Variants in TAFA3 observed in about 807,000 individuals in gnomAD.
TAFA3 encodes the protein TAFA chemokine like family member 3.
A neutral mutation model predicts 20.7 loss-of-function variants in TAFA3; 17 were observed. The ratio of observed to expected loss-of-function variants is 0.82; its 90% CI spans 0.56 to 1.23. The LOEUF (loss-of-function observed/expected upper bound fraction) is 1.23. Among genes scored for constraint, TAFA3 ranks in the 50% most tolerant of loss-of-function variants. The probability of loss-of-function intolerance (pLI) is 0.00; values close to 1 mark genes in which losing one functional copy is unlikely to be tolerated. For missense variants in TAFA3, 174 were observed against 172.8 expected (o/e 1.01, Z -0.04); for synonymous variants, 74 against 71.8 (o/e 1.03, Z -0.16).
Position 112,719,222 on chromosome 1 carries a change from G to A in TAFA3, c.-137G>A, listed in dbSNP as rs976913100. Among the ~76,000 whole-genome samples, 2 of 152,214 alleles carry A rather than the reference G, an allele frequency of 1.3e-5. No homozygotes were observed. Among genetic ancestry groups the A allele is most frequent in the African/African-American group, 4.8e-5 (2 of 41,454 alleles). On this transcript the variant is annotated 5_prime_UTR_variant, in exon 1 of 6. Coordinates refer to ENST00000361886, the MANE Select transcript of TAFA3 (RefSeq NM_182759.3). ...CGCTCCCTCCCAAAGTCTGTCTTTCGGAGTGCTGGTCCCTGGCTCAGTGGC... is the reference window on the plus strand; with the variant it reads ...CGCTCCCTCCCAAAGTCTGTCTTTCAGAGTGCTGGTCCCTGGCTCAGTGGC...
At chr1:112,723,288 A>G in intron 4 of TAFA3, 123 bp downstream of exon 4, 1 of 1,326,250 alleles carries the variant, frequency 7.5e-7, no homozygotes, top group South Asian at 1.5e-5. Flanking sequence ...GAGCAGTCTC[A>G]AATGGTGGGG....
At chr1:112,722,934 A>AGGGG in intron 3 of TAFA3, 82 bp from the exon 4 acceptor site, 1 of 1,455,106 alleles carries the variant, frequency 6.9e-7, no homozygotes, top group South Asian at 1.4e-5. Flanking sequence ...AGCAGGGAGG[A>AGGGG]GGGGCTGGAG....
Position 112,719,150 on chromosome 1 carries a change from C to G in TAFA3, c.-209C>G, listed in dbSNP as rs1675271497. ...CCCCGCTGTCCCGGGGGCGCAGCAACTTGGTGAAGGGGACAGGGCTCCGGA... is the reference window on the plus strand; with the variant it reads ...CCCCGCTGTCCCGGGGGCGCAGCAAGTTGGTGAAGGGGACAGGGCTCCGGA... On this transcript the variant is annotated 5_prime_UTR_variant, in exon 1 of 6. Transcript: ENST00000361886. 6.6e-6 allele frequency among the ~76,000 whole-genome samples: 1 copy of G among 152,248 alleles called. No homozygotes were observed. The highest frequency in any genetic ancestry group is 6.5e-5 in the Admixed American group (1 of 15,290).
rs1445043929 is a variant in TAFA3 at position 112,723,094 on chromosome 1, A to T, written c.194A>T (p.Gln65Leu). ...CGGAACCGCATCGAGGAGCGCTCCC[A>T]GACGGTGAAATGCTCCTGTTTTTCT... ...CNRNRIEERS[Q>L]TVKCSCFSGQ... Residue 65 changes from glutamine to leucine, a missense_variant, in exon 4 of 6, where the codon CAG (glutamine) becomes CTG (leucine). Physicochemically the swap from Gln to Leu is moderately radical, Grantham distance 113. Coordinates refer to ENST00000361886, the MANE Select transcript of TAFA3 (RefSeq NM_182759.3). 6.2e-7 allele frequency: 1 copy of T among 1,613,202 alleles called. No individual in the cohort carries two copies. The highest frequency in any genetic ancestry group is 2.2e-5 in the East Asian group (1 of 44,850).
chr1:112,720,050 G>A (rs1402283094), intron 1 of TAFA3, among the ~76,000 whole-genome samples: 1 of 152,180 alleles, frequency 6.6e-6, no homozygotes, highest in Non-Finnish European at 1.5e-5. Context: ...CAGGGACCTG[G>A]AGTGTCCCCA....
intron 5 of TAFA3, among the ~76,000 whole-genome samples, chr1:112,724,639 T>C (rs1457567131): frequency 8.1e-5 from 1 of 12,378 alleles, no homozygotes. Context: ...TGTGGTGGGG[T>C]GGGGGGAGGG....
At chr1:112,725,531 C>G (rs1344253848) in intron 5 of TAFA3, among the ~76,000 whole-genome samples, 1 of 151,388 alleles carries the variant, frequency 6.6e-6, no homozygotes, top group African/African-American at 2.4e-5. Flanking sequence ...CATCCCCCAC[C>G]CCCACCCCAT....
At chr1:112,722,372 G>C (rs200346102) in intron 3 of TAFA3, 24 bp downstream of exon 3, 2 of 1,599,342 alleles carry the variant, frequency 1.3e-6, no homozygotes, top group South Asian at 1.1e-5. Context: ...GGCAGGGCCC[G>C]GGGAGGGAGT....
rs901851802 is a variant in TAFA3, at chr1:112,727,144, T to A, written c.*504T>A. The stretch of plus-strand genomic sequence containing the variant: ...GTTAACATGTTGCAGGAAAACACTC[T>A]CCCCTTATGCCAGACCAGCAGTATC... On this transcript the variant is annotated 3_prime_UTR_variant, in exon 6 of 6. Transcript: ENST00000361886. The A allele has an allele frequency of 6.1e-6, 1 of 163,132 alleles. No individual in the cohort carries two copies. The highest frequency in any genetic ancestry group is 1.8e-4 in the East Asian group (1 of 5,534). The allele number at this position is 163,132 out of a possible 1,614,324, so 10.1% of individuals were successfully genotyped here.
intron 5 of TAFA3, among the ~76,000 whole-genome samples, chr1:112,726,341 C>T (rs183204732): frequency 6.6e-6 from 1 of 152,154 alleles, no homozygotes; most frequent in African/African-American, 2.4e-5. Context: ...AGAATGAGAC[C>T]CACTACAGAG....
At chr1:112,722,788 C>T (rs762556518) in intron 3 of TAFA3, among the ~76,000 whole-genome samples, 1 of 152,160 alleles carries the variant, frequency 6.6e-6, no homozygotes, top group African/African-American at 2.4e-5. Context: ...GCCCAGGGGC[C>T]GTGCTCTGCC....
At chr1:112,724,856 C>T (rs763896911) in intron 5 of TAFA3, among the ~76,000 whole-genome samples, 5 of 46,040 alleles carry the variant, frequency 1.1e-4, no homozygotes, top group Non-Finnish European at 4.3e-5. Context: ...TAAAACAGAA[C>T]TACCATTCAA....
chr1:112,725,403 A>C (rs202031376), intron 5 of TAFA3, among the ~76,000 whole-genome samples: 1 of 140,574 alleles, frequency 7.1e-6, no homozygotes, highest in Non-Finnish European at 1.5e-5. Flanking sequence ...ATTAAAAAAA[A>C]AAAAAAAAAA....
intron 5 of TAFA3, among the ~76,000 whole-genome samples, chr1:112,724,816 C>CAAAAAAAA: frequency 8.8e-5 from 2 of 22,650 alleles, no homozygotes; most frequent in Non-Finnish European, 1.4e-4. Context: ...ATTAGAGCAG[C>CAAAAAAAA]AAAAAAAAAA....
At chr1:112,722,150 G>A in intron 2 of TAFA3, 83 bp from the exon 3 acceptor site, 1 of 1,411,464 alleles carries the variant, frequency 7.1e-7, no homozygotes, top group Non-Finnish European at 1.0e-6. Flanking sequence ...GTGCCTCCCA[G>A]AGTGTGTGGC....
intron 1 of TAFA3, among the ~76,000 whole-genome samples, chr1:112,720,124 C>T (rs1254296226): frequency 6.6e-6 from 1 of 152,050 alleles, no homozygotes; most frequent in East Asian, 1.9e-4. Context: ...CCATGTGAGT[C>T]CAGGAAGCAG....
rs755592073 is a variant in TAFA3, at chr1:112,723,057, C to A, written c.157C>A (p.Arg53Ser). ...CACCTGCGAGGTGATTGCGGCTCACCGCTGCTGCAACCGGAACCGCATCGA... is the reference window on the plus strand; with the variant it reads ...CACCTGCGAGGTGATTGCGGCTCACAGCTGCTGCAACCGGAACCGCATCGA... ...QGTCEVIAAH[R>S]CCNRNRIEER... Residue 53 changes from arginine to serine, a missense_variant, in exon 4 of 6, where the codon CGC (arginine) becomes AGC (serine). Arg to Ser is a moderately radical substitution (Grantham distance 110). Transcript: ENST00000361886. 6 of 1,612,860 alleles carry A rather than the reference C, an allele frequency of 3.7e-6. No homozygotes were observed. Among genetic ancestry groups the A allele is most frequent in the African/African-American group, 2.7e-5 (2 of 74,898 alleles).
intron 2 of TAFA3, 105 bp from the exon 3 acceptor site, chr1:112,722,128 C>A: frequency 2.6e-6 from 3 of 1,162,180 alleles, no homozygotes; most frequent in Non-Finnish European, 3.8e-6. Context: ...GGTGTGCCTC[C>A]TCCCCATCTT....
At chr1:112,724,531 A>G (rs1048657641) in intron 5 of TAFA3, among the ~76,000 whole-genome samples, 1 of 149,854 alleles carries the variant, frequency 6.7e-6, no homozygotes, top group African/African-American at 2.5e-5. Flanking sequence ...AACTATCGCA[A>G]GAACAAAAAA....
Sources: gnomAD v4.1 joint callset for allele counts (sites outside exome capture counted in the v4.1 genomes callset) on GRCh38, gnomAD v4.1.1 for gene constraint, MANE v1.5 for transcripts, NCBI Gene and HGNC (gene_info 2026-07-23, HGNC 2026-07-21) for gene names.